The following KRT13 variants were observed in gnomAD, a reference collection of about 807,000 sequenced individuals.
KRT13 encodes keratin 13, also known as keratin, type I cytoskeletal 13.
KRT13 carries 27 observed loss-of-function variants against 40.6 expected under a neutral mutation model. That is an observed-to-expected ratio of 0.67 (90% confidence interval 0.49 to 0.92). The LOEUF (loss-of-function observed/expected upper bound fraction) is 0.92. Ranked by LOEUF, KRT13 falls within the 40% of genes least tolerant of loss-of-function variation. The pLI is 0.00. For synonymous variants in KRT13, 266 were observed against 240.3 expected, an observed-to-expected ratio of 1.11 and a Z score of -0.99; for missense variants, 605 against 611.5, an observed-to-expected ratio of 0.99 and a Z score of 0.11.
chr17:41,501,626 G>A (rs971734705), intron 7 of KRT13, 93 bp downstream of exon 7: 4 of 1,544,122 alleles, frequency 2.6e-6, no homozygotes, highest in Non-Finnish European at 2.6e-6. Context: ...CCCAGCACTG[G>A]CTCCCTCCCT....
Position 41,503,700 on chromosome 17 carries a change from T to A in KRT13, c.521A>T (p.Asn174Ile). 6.2e-7 allele frequency: 1 copy of A among 1,613,978 alleles called. No homozygotes were observed. Among genetic ancestry groups the A allele is most frequent in the African/African-American group, 1.3e-5 (1 of 74,968 alleles). Reference protein sequence around the residue: ...DKILTATIENNRVILEIDNAR... With the variant: ...DKILTATIENIRVILEIDNAR... ...ATTGTCAATCTCCAGGATGACCCGG[T>A]TGTTTTCAATGGTGGCGGTCAGGAT... Residue 174 changes from asparagine to isoleucine, a missense_variant, in exon 2 of 8, where the codon AAC (asparagine) becomes ATC (isoleucine). Coordinates refer to ENST00000246635, the MANE Select transcript of KRT13 (RefSeq NM_153490.3).
chr17:41,504,014 G>C (rs1904974227), intron 1 of KRT13: 1 of 424,652 alleles, frequency 2.4e-6, no homozygotes, highest in Non-Finnish European at 4.4e-6. Context: ...ACGTGCTTGA[G>C]GAGGTGGCCT....
chr17:41,501,514 CAGCCAAAT>C, intron 7 of KRT13, 152 bp from the exon 8 acceptor site: 1 of 1,106,846 alleles, frequency 9.0e-7, no homozygotes. Flanking sequence ...CTTCCCAAGA[CAGCCAAAT>C]AGCTCTGTGG....
At position 41,501,316 on chromosome 17, in the gene KRT13, G is replaced by T; in HGVS notation, c.1317C>A (p.Ala439=). ...AGGCATTAGAGGTGGTGGTAACAGA[G>T]GCACTAGAAGTCGTGGTAACAGAGG... ...RSTSVTTTSS[A]SVTTTSNASG... is the part of the protein sequence containing the mutation. The change falls in exon 8 of 8, where the codon GCC becomes GCA. Residue 439 remains alanine, a synonymous_variant. Transcript: ENST00000246635. 6.3e-7 allele frequency: 1 copy of T among 1,576,182 alleles called. No homozygotes were observed. Among genetic ancestry groups the T allele is most frequent in the Non-Finnish European group, 8.6e-7 (1 of 1,160,886 alleles).
chr17:41,504,873 T>C (rs1024126382), intron 1 of KRT13, among the ~76,000 whole-genome samples, 183 bp downstream of exon 1: 1 of 152,164 alleles, frequency 6.6e-6, no homozygotes, highest in African/African-American at 2.4e-5. Flanking sequence ...AAAATGCATT[T>C]GGGGAGTTGT....
chr17:41,502,060 T>G, intron 6 of KRT13: 1 of 1,415,554 alleles, frequency 7.1e-7, no homozygotes, highest in South Asian at 1.5e-5. Flanking sequence ...GTGGCTTGAT[T>G]TCTGCAAAGG....
Position 41,501,425 on chromosome 17 carries a change from C to T in KRT13, c.1271-63G>A, listed in dbSNP as rs374254953. On this transcript the variant is annotated intron_variant, in intron 7 of 7. Coordinates refer to ENST00000246635, the MANE Select transcript of KRT13 (RefSeq NM_153490.3). ...AGACCCACCTCAGGACAGGGCAGGG[C>T]CCCCCTGGAGGGCTCACAAACTCCT... 13 of 1,370,884 alleles carry T rather than the reference C, an allele frequency of 9.5e-6. No individual in the cohort carries two copies. In the African/African-American group the frequency reaches 1.3e-4, roughly 14 times the overall value. 84.9% of individuals were successfully genotyped at this position (1,370,884 alleles called of 1,614,324 possible). A position where few individuals can be genotyped will look rare whatever the true frequency, so the allele number is the denominator to read the frequency against.
rs1165181435 is a variant in KRT13, at chr17:41,505,090, G to A, written c.461C>T (p.Pro154Leu). 6.2e-7 allele frequency: 1 copy of A among 1,614,072 alleles called. No individual in the cohort carries two copies. The highest frequency in any genetic ancestry group is 1.3e-5 in the African/African-American group (1 of 74,928). The part of the protein sequence containing the change: ...SPASPERDYS[P>L]YYKTIEELRD... ...GAGCTCTTCAATGGTCTTGTAGTAG[G>A]GGCTGTAGTCCCGCTCAGGGCTAGC... The change falls in exon 1 of 8, where the codon CCC becomes CTC. Residue 154 changes from proline to leucine, a missense_variant. By Grantham distance (98) the Pro-to-Leu change is moderately conservative. Transcript: ENST00000246635.
At position 41,502,837 on chromosome 17, in the gene KRT13, G is replaced by T. The variant is rs565278598; in HGVS notation, c.898-25C>A. 3.7e-6 allele frequency: 6 copies of T among 1,614,194 alleles called. No individual in the cohort carries two copies. In the Admixed American group the frequency reaches 6.7e-5, roughly 18 times the overall value. Reference sequence around the variant, plus strand: ...TCTGAAATGCAAGCAGGAAGAAGGTGGTGGGGAAGCTCAGCTCGAGCAGCC... The same window carrying T: ...TCTGAAATGCAAGCAGGAAGAAGGTTGTGGGGAAGCTCAGCTCGAGCAGCC... On this transcript the variant is annotated intron_variant, in intron 4 of 7. Coordinates refer to ENST00000246635, the MANE Select transcript of KRT13 (RefSeq NM_153490.3).
At position 41,505,102 on chromosome 17, in the gene KRT13, C is replaced by T. The variant is rs548070268; in HGVS notation, c.449G>A (p.Arg150Gln). The change falls in exon 1 of 8, where the codon CGG becomes CAG. Residue 150 changes from arginine to glutamine, a missense_variant. Physicochemically the swap from Arg to Gln is conservative, Grantham distance 43 (BLOSUM62 1). Transcript: ENST00000246635. ...GGTCTTGTAGTAGGGGCTGTAGTCC[C>T]GCTCAGGGCTAGCTGGGCTCTGCTT... Reference protein sequence around the residue: ...HLKQSPASPERDYSPYYKTIE... With the variant: ...HLKQSPASPEQDYSPYYKTIE... The T allele has an allele frequency of 1.9e-4, 306 of 1,614,214 alleles. 2 individuals are homozygous for T. The South Asian group carries it at 3.0e-3, about 16-fold the overall frequency.
Position 41,503,013 on chromosome 17 carries a change from A to G in KRT13, c.821T>C (p.Leu274Pro). 6.2e-7 allele frequency: 1 copy of G among 1,614,228 alleles called. No homozygotes were observed. Among genetic ancestry groups the G allele is most frequent in the East Asian group, 2.2e-5 (1 of 44,882 alleles). The change falls in exon 4 of 8, where the codon CTG becomes CCG. Residue 274 changes from leucine to proline, a missense_variant. Physicochemically the swap from Leu to Pro is moderately conservative, Grantham distance 98. Coordinates refer to ENST00000246635, the MANE Select transcript of KRT13 (RefSeq NM_153490.3). ...ATPGIDLTRV[L>P]AEMREQYEAM... ...CTCGTACTGCTCCCTCATCTCTGCC[A>G]GCACGCGGGTCAGGTCAATGCCTGG...
rs367712050 is a variant in KRT13 at position 41,505,595 on chromosome 17, G to C, written c.-45C>G. The C allele has an allele frequency of 1.9e-6, 3 of 1,612,204 alleles. No individual in the cohort carries two copies. Among genetic ancestry groups the C allele is most frequent in the Admixed American group, 1.7e-5 (1 of 60,026 alleles). On this transcript the variant is annotated 5_prime_UTR_variant, in exon 1 of 8. Coordinates refer to ENST00000246635, the MANE Select transcript of KRT13 (RefSeq NM_153490.3). ...GCAGGTGCAGATAGAAGCTTGCTTGGCCTGGGCCGAGGACTGTGGCTCTTC... is the reference window on the plus strand; with the variant it reads ...GCAGGTGCAGATAGAAGCTTGCTTGCCCTGGGCCGAGGACTGTGGCTCTTC...
At chr17:41,501,855 T>C in intron 6 of KRT13, 111 bp from the exon 7 acceptor site, 1 of 1,548,344 alleles carries the variant, frequency 6.5e-7, no homozygotes. Context: ...TGGGCTGGAC[T>C]CTAGTGCCTC....
At position 41,505,146 on chromosome 17, in the gene KRT13, C is replaced by G; in HGVS notation, c.405G>C (p.Lys135Asn). ...TCTGCTTCAGGTGCCAGTCACGGAT[C>G]TTCACCTCCAGGTCAGCGTTGGCCT... Reference protein sequence around the residue: ...LEEANADLEVKIRDWHLKQSP... With the variant: ...LEEANADLEVNIRDWHLKQSP... Residue 135 changes from lysine (K) to asparagine (N), a missense_variant, in exon 1 of 8, where the codon AAG (lysine) becomes AAC (asparagine). By Grantham distance (94) the Lys-to-Asn change is moderately conservative (BLOSUM62 0). Coordinates refer to ENST00000246635, the MANE Select transcript of KRT13 (RefSeq NM_153490.3). 2 of 1,614,240 alleles carry G rather than the reference C, an allele frequency of 1.2e-6. No homozygotes were observed. Among genetic ancestry groups the G allele is most frequent in the Non-Finnish European group, 1.7e-6 (2 of 1,180,040 alleles).
intron 7 of KRT13, 153 bp from the exon 8 acceptor site, chr17:41,501,515 A>G: frequency 9.0e-7 from 1 of 1,109,056 alleles, no homozygotes; most frequent in East Asian, 2.6e-5. Flanking sequence ...TTCCCAAGAC[A>G]GCCAAATAGC....
rs1254176560 is a variant in KRT13 at position 41,505,420 on chromosome 17, C to T, written c.131G>A (p.Gly44Asp). 1 of 1,613,616 alleles carries T rather than the reference C, an allele frequency of 6.2e-7. No individual in the cohort carries two copies. The highest frequency in any genetic ancestry group is 1.1e-5 in the South Asian group (1 of 91,058). The change falls in exon 1 of 8, where the codon GGC becomes GAC. Residue 44 changes from glycine (G) to aspartate (D), a missense_variant. Physicochemically the swap from Gly to Asp is moderately conservative, Grantham distance 94 (BLOSUM62 -1). Transcript: ENST00000246635. ...ACCACAGCTCACGCCGCCTCCATAG[C>T]CCCCAGCTGATCCCCCGGACACAAA... ...TRFVSGGSAG[G>D]YGGGVSCGFG...
At chr17:41,503,868 T>C in intron 1 of KRT13, 143 bp from the exon 2 acceptor site, 1 of 732,664 alleles carries the variant, frequency 1.4e-6, no homozygotes, top group Non-Finnish European at 2.4e-6. Context: ...AAAAAGAAAT[T>C]GGCAAAAATA....
chr17:41,501,621 C>T (rs983853512), intron 7 of KRT13, 98 bp downstream of exon 7: 1 of 1,542,254 alleles, frequency 6.5e-7, no homozygotes, highest in South Asian at 1.2e-5. Context: ...GAGAGCCCAG[C>T]ACTGGCTCCC....
chr17:41,501,458 C>T, intron 7 of KRT13, 96 bp from the exon 8 acceptor site: 1 of 1,134,776 alleles, frequency 8.8e-7, no homozygotes, highest in Non-Finnish European at 1.3e-6. Flanking sequence ...CCTCATTAGT[C>T]AGGTGGTGCG....
Sources: allele counts gnomAD v4.1 joint callset (sites outside exome capture counted in the v4.1 genomes callset), GRCh38; gene constraint gnomAD v4.1.1; transcripts MANE v1.5; gene names NCBI Gene and HGNC (gene_info 2026-07-23, HGNC 2026-07-21).